Variants in RNF175 observed in about 807,000 individuals in gnomAD.
RNF175 encodes ring finger protein 175.
RNF175 carries 38 observed loss-of-function variants against 50.0 expected under a neutral mutation model. The ratio of observed to expected loss-of-function variants is 0.76; its 90% confidence interval spans 0.59 to 1.00. The LOEUF is 1.00. Ranked by LOEUF, RNF175 falls within the 50% of genes least tolerant of loss-of-function variation. RNF175 has a pLI of 0.00. For synonymous variants in RNF175, 155 were observed against 146.1 expected, an observed-to-expected ratio of 1.06 and a Z score of -0.44; for missense variants, 388 against 409.6, an observed-to-expected ratio of 0.95 and a Z score of 0.46.
intron 3 of RNF175, among the ~76,000 whole-genome samples, chr4:153,740,776 C>T (rs1044897581): frequency 6.6e-6 from 1 of 152,170 alleles, no homozygotes; most frequent in East Asian, 1.9e-4. Context: ...CTCCTTCTAG[C>T]ATGACTTGTA....
intron 6 of RNF175, among the ~76,000 whole-genome samples, chr4:153,716,436 G>C (rs1357389702): frequency 6.6e-6 from 1 of 152,182 alleles, no homozygotes; most frequent in Non-Finnish European, 1.5e-5. Context: ...GGTGCATGCT[G>C]AGCAATCACC....
chr4:153,717,752 A>G (rs1258782849), intron 6 of RNF175, among the ~76,000 whole-genome samples: 1 of 152,200 alleles, frequency 6.6e-6, no homozygotes, highest in African/African-American at 2.4e-5. Context: ...TTCATTTCAA[A>G]GTTACTTAGG....
intron 3 of RNF175, chr4:153,748,432 C>A: frequency 2.2e-6 from 1 of 444,840 alleles, no homozygotes; most frequent in Non-Finnish European, 3.9e-6. Flanking sequence ...ACTCCCCTCC[C>A]CCTTTTCACC....
At chr4:153,721,054 G>A (rs893133105) in intron 5 of RNF175, among the ~76,000 whole-genome samples, 23 of 151,962 alleles carry the variant, frequency 1.5e-4, no homozygotes, top group Admixed American at 1.0e-3. Context: ...TGAAGCCCTT[G>A]ATTACCATGC....
intron 3 of RNF175, among the ~76,000 whole-genome samples, chr4:153,737,125 T>C (rs1401710564): frequency 1.3e-5 from 2 of 152,220 alleles, no homozygotes; most frequent in African/African-American, 2.4e-5. Context: ...TCCCAAGTGC[T>C]GGGATGACAG....
chr4:153,759,955 C>CGAG lies in RNF175; in HGVS notation c.-96_-94dup, dbSNP rs1450441873. ...GGAGGCGCCGCGGGGCCTCGGGAGC[C>CGAG]GAGGGTGAGAGCCGGATCTGCGGCG... On this transcript the variant is annotated 5_prime_UTR_variant, in exon 1 of 9. Transcript: ENST00000347063. 9.6e-6 allele frequency: 7 copies of CGAG among 729,334 alleles called. No homozygotes were observed. Among genetic ancestry groups the CGAG allele is most frequent in the African/African-American group, 1.9e-5 (1 of 53,860 alleles). 45.2% of individuals were successfully genotyped at this position (729,334 alleles called of 1,614,324 possible).
chr4:153,712,335 G>A, intron 8 of RNF175, 140 bp downstream of exon 8: 1 of 610,420 alleles, frequency 1.6e-6, no homozygotes, highest in Non-Finnish European at 2.9e-6. Context: ...GAGACCATAA[G>A]TCATTTTGAA....
chr4:153,720,180 T>C lies in RNF175; in HGVS notation c.630+4A>G. On this transcript the variant is annotated splice_donor_region_variant and intron_variant, in intron 6 of 8. Coordinates refer to ENST00000347063, the MANE Select transcript of RNF175 (RefSeq NM_173662.4). ...TGGTTTCAGAAAATGAAAGCAACACTTACCCCTATAGTGGAAGCCATGTAG... is the reference window on the plus strand; with the variant it reads ...TGGTTTCAGAAAATGAAAGCAACACCTACCCCTATAGTGGAAGCCATGTAG... The C allele has an allele frequency of 1.2e-6, 2 of 1,613,518 alleles. No individual in the cohort carries two copies. Among genetic ancestry groups the C allele is most frequent in the Non-Finnish European group, 1.7e-6 (2 of 1,179,596 alleles).
intron 4 of RNF175, among the ~76,000 whole-genome samples, chr4:153,724,595 T>C (rs2168511): frequency 0.96 from 146,639 of 152,216 alleles, 70,860 homozygotes; most frequent in East Asian, 1. Context: ...CTCTGACTCT[T>C]TCACCTTCCC....
intron 1 of RNF175, among the ~76,000 whole-genome samples, chr4:153,758,663 C>G (rs1277656426): frequency 6.6e-6 from 1 of 152,136 alleles, no homozygotes; most frequent in East Asian, 1.9e-4. Context: ...CCCTCCACAG[C>G]CTAGCCCACC....
intron 4 of RNF175, among the ~76,000 whole-genome samples, chr4:153,725,219 A>G (rs1461099699): frequency 6.6e-6 from 1 of 152,138 alleles, no homozygotes; most frequent in East Asian, 1.9e-4. Context: ...TGTGGCCTCA[A>G]AAGGAAGCCA....
intron 6 of RNF175, among the ~76,000 whole-genome samples, chr4:153,716,924 A>G (rs1737968903): frequency 6.6e-6 from 1 of 152,236 alleles, no homozygotes. Flanking sequence ...TATCTGCAAA[A>G]TACCTTTGCA....
chr4:153,718,960 A>T (rs1289988765), intron 6 of RNF175, among the ~76,000 whole-genome samples: 3 of 152,140 alleles, frequency 2.0e-5, no homozygotes, highest in Non-Finnish European at 2.9e-5. Flanking sequence ...TTCTTTTTTT[A>T]AAAAAATTAA....
intron 3 of RNF175, among the ~76,000 whole-genome samples, chr4:153,742,269 TTCC>T (rs1347147983): frequency 3.1e-5 from 2 of 64,860 alleles, no homozygotes; most frequent in Admixed American, 3.8e-4. Flanking sequence ...TGAGCTTCTG[TTCC>T]AAAAAAAAAA....
intron 6 of RNF175, among the ~76,000 whole-genome samples, chr4:153,718,209 G>GTTTTTTTTTTTT (rs1238895381): frequency 1.1e-5 from 1 of 92,596 alleles, no homozygotes; most frequent in Non-Finnish European, 2.0e-5. Flanking sequence ...TTCCTAAGGA[G>GTTTTTTTTTTTT]TTTTTTTTGT....
chr4:153,758,057 G>T (rs973045701), intron 1 of RNF175, among the ~76,000 whole-genome samples: 2 of 152,140 alleles, frequency 1.3e-5, no homozygotes, highest in African/African-American at 4.8e-5. Context: ...GCTGAAGGAG[G>T]TTCTTAGACA....
chr4:153,719,920 G>A (rs2579910), intron 6 of RNF175, among the ~76,000 whole-genome samples: 80,754 of 152,046 alleles, frequency 0.53, 22,155 homozygotes, highest in Non-Finnish European at 0.62. Flanking sequence ...AATAATTTGC[G>A]TATTTTATTT....
chr4:153,748,627 G>C lies in RNF175; in HGVS notation c.246+18C>G. 6.4e-7 allele frequency: 1 copy of C among 1,561,654 alleles called. No homozygotes were observed. Among genetic ancestry groups the C allele is most frequent in the South Asian group, 1.2e-5 (1 of 83,644 alleles). On this transcript the variant is annotated intron_variant, in intron 3 of 8. Transcript: ENST00000347063. ...TACAAGCTGGAGCAGGCTCCCAGCA[G>C]CCACGGGGATGACTCACATTGTAGG...
intron 8 of RNF175, among the ~76,000 whole-genome samples, chr4:153,711,805 T>A (rs760699134): frequency 1.3e-5 from 2 of 152,232 alleles, no homozygotes; most frequent in Non-Finnish European, 2.9e-5. Flanking sequence ...ATTACCTTCC[T>A]GCGACCTTAA....
Sources: gnomAD v4.1 joint callset for allele counts (sites outside exome capture counted in the v4.1 genomes callset) on GRCh38, gnomAD v4.1.1 for gene constraint, MANE v1.5 for transcripts, NCBI Gene and HGNC (gene_info 2026-07-23, HGNC 2026-07-21) for gene names.